ME3: variants seen among roughly 807,000 people sequenced by gnomAD.
ME3 encodes malic enzyme 3, also known as NADP-dependent malic enzyme, mitochondrial.
In ME3, 48 loss-of-function variants were observed where a neutral mutation model predicts 68.9. The ratio of observed to expected loss-of-function variants is 0.70; its 90% CI spans 0.55 to 0.89. The LOEUF is 0.89. Among genes scored for constraint, ME3 ranks in the 40% least tolerant of loss-of-function variants. The pLI, the probability that ME3 is intolerant of heterozygous loss-of-function variation, is 0.00. For missense variants in ME3, 675 were observed against 797.4 expected (o/e 0.85, Z 1.85); for synonymous variants, 320 against 318.8 (o/e 1.00, Z -0.04).
intron 5 of ME3, among the ~76,000 whole-genome samples, chr11:86,505,116 T>C (rs1331958936): frequency 1.3e-4 from 20 of 152,314 alleles, no homozygotes; most frequent in African/African-American, 4.1e-4. Context: ...TCCCAAGTGC[T>C]ATGAAAGAAT....
chr11:86,507,058 C>T (rs1304036396), intron 5 of ME3, among the ~76,000 whole-genome samples: 2 of 152,200 alleles, frequency 1.3e-5, no homozygotes, highest in African/African-American at 2.4e-5. Flanking sequence ...GGCTATGGCT[C>T]GAGCCTGGCT....
At chr11:86,586,699 T>C (rs1433374032) in intron 2 of ME3, among the ~76,000 whole-genome samples, 1 of 152,082 alleles carries the variant, frequency 6.6e-6, no homozygotes, top group Non-Finnish European at 1.5e-5. Flanking sequence ...ACAGATTTTG[T>C]TGTGGTGGTA....
intron 8 of ME3, among the ~76,000 whole-genome samples, chr11:86,455,303 G>A (rs1949852439): frequency 6.6e-6 from 1 of 152,222 alleles, no homozygotes; most frequent in African/African-American, 2.4e-5. Context: ...CAAAACAGTA[G>A]AACACAGTGG....
At chr11:86,497,966 A>C in exon 6 of ME3, 1 of 1,599,696 alleles carries the variant, frequency 6.3e-7, no homozygotes, top group South Asian at 1.1e-5. Flanking sequence ...GGGTTACCTC[A>C]TTGTTGGTGC....
chr11:86,504,438 T>C (rs1467935921), intron 5 of ME3, among the ~76,000 whole-genome samples: 1 of 136,006 alleles, frequency 7.4e-6, no homozygotes. Context: ...TCTCCCAGAC[T>C]GGAATGCAGT....
intron 4 of ME3, among the ~76,000 whole-genome samples, chr11:86,531,385 T>G (rs1228254411): frequency 6.6e-6 from 1 of 151,942 alleles, no homozygotes; most frequent in East Asian, 1.9e-4. Flanking sequence ...ATAGGAACAC[T>G]TTTACACTGT....
At position 86,577,921 on chromosome 11, in the gene ME3, TACA is replaced by T. The variant is rs1958209123; in HGVS notation, c.184-18101_184-18099del. On this transcript the variant is annotated intron_variant, in intron 2 of 14. Transcript: ENST00000543262. The stretch of plus-strand genomic sequence containing the variant: ...AAGGGTGTGTGGCTAGTAAATGCCA[TACA>T]ACAACATTTGAGAATAATGGCTATT... Among the ~76,000 whole-genome samples the T allele has an allele frequency of 3.3e-5, 5 of 152,330 alleles. No individual in the cohort carries two copies. The South Asian group carries it at 8.3e-4, about 25-fold the overall frequency.
chr11:86,657,017 G>C (rs952012570), intron 2 of ME3, among the ~76,000 whole-genome samples: 1 of 152,180 alleles, frequency 6.6e-6, no homozygotes, highest in Non-Finnish European at 1.5e-5. Context: ...TATACTGTTG[G>C]TGGGAGTGCA....
At chr11:86,569,648 T>G (rs1409385680) in intron 2 of ME3, among the ~76,000 whole-genome samples, 3 of 152,182 alleles carry the variant, frequency 2.0e-5, no homozygotes, top group African/African-American at 4.8e-5. Flanking sequence ...ATGATGACCT[T>G]TTATTGGATA....
chr11:86,651,346 G>A (rs975791376), intron 2 of ME3, among the ~76,000 whole-genome samples: 1 of 152,254 alleles, frequency 6.6e-6, no homozygotes, highest in African/African-American at 2.4e-5. Flanking sequence ...GCACCCCCAA[G>A]TAGGGGCAGA....
At chr11:86,576,130 C>T (rs1958094781) in intron 2 of ME3, among the ~76,000 whole-genome samples, 1 of 152,146 alleles carries the variant, frequency 6.6e-6, no homozygotes, top group African/African-American at 2.4e-5. Flanking sequence ...ACTAAGTACT[C>T]AGTGAGTGGT....
At chr11:86,584,647 T>C (rs530622976) in intron 2 of ME3, among the ~76,000 whole-genome samples, 2 of 152,334 alleles carry the variant, frequency 1.3e-5, no homozygotes, top group East Asian at 1.9e-4. Context: ...TACAACAATA[T>C]GGATGAATCT....
intron 2 of ME3, among the ~76,000 whole-genome samples, chr11:86,590,401 C>T (rs977327122): frequency 4.6e-5 from 7 of 152,166 alleles, no homozygotes; most frequent in Admixed American, 2.6e-4. Flanking sequence ...AAATGTGTCA[C>T]GTGCTATGGG....
At chr11:86,462,693 G>A in intron 8 of ME3, 1 of 846,228 alleles carries the variant, frequency 1.2e-6, no homozygotes, top group Middle Eastern at 2.7e-4. Context: ...GAACAAGAAT[G>A]GATAAGGCAT....
chr11:86,611,482 G>A (rs1380148993), intron 2 of ME3, among the ~76,000 whole-genome samples: 1 of 151,464 alleles, frequency 6.6e-6, no homozygotes, highest in Non-Finnish European at 1.5e-5. Context: ...TGATAGATAT[G>A]TTAATTCGCG....
chr11:86,449,143 C>G (rs1270529811), intron 10 of ME3, among the ~76,000 whole-genome samples: 1 of 152,208 alleles, frequency 6.6e-6, no homozygotes. Flanking sequence ...TCCTTATGTA[C>G]TTCCTCTGTT....
chr11:86,522,831 A>T (rs1229221243), intron 4 of ME3, among the ~76,000 whole-genome samples: 1 of 152,202 alleles, frequency 6.6e-6, no homozygotes, highest in Non-Finnish European at 1.5e-5. Flanking sequence ...TTTACGTAGA[A>T]TTTACATTGT....
At chr11:86,522,747 A>G (rs907231321) in intron 4 of ME3, among the ~76,000 whole-genome samples, 1 of 152,102 alleles carries the variant, frequency 6.6e-6, no homozygotes, top group African/African-American at 2.4e-5. Context: ...TCCATGGTGT[A>G]TATGTGCCAC....
intron 2 of ME3, among the ~76,000 whole-genome samples, chr11:86,578,913 A>G (rs1288161759): frequency 1.3e-5 from 2 of 152,124 alleles, no homozygotes; most frequent in Non-Finnish European, 2.9e-5. Flanking sequence ...TGTCATTCCC[A>G]TTTTGCAGAT....
Sources: allele counts gnomAD v4.1 joint callset (sites outside exome capture counted in the v4.1 genomes callset), GRCh38; gene constraint gnomAD v4.1.1; transcripts MANE v1.5; gene names NCBI Gene and HGNC (gene_info 2026-07-23, HGNC 2026-07-21).